SYNE2: variants seen among roughly 807,000 people sequenced by gnomAD.
SYNE2 encodes the protein spectrin repeat containing nuclear envelope protein 2.
In SYNE2, 431 loss-of-function variants were observed where a neutral mutation model predicts 856.3. The observed-to-expected ratio is 0.50, with a 90% confidence interval of 0.47 to 0.55. SYNE2 has a LOEUF of 0.55. SYNE2 is among the 20% of genes least tolerant of loss of function. The pLI, the probability that SYNE2 is intolerant of heterozygous loss-of-function variation, is 0.00. For missense variants in SYNE2, 8,129 were observed against 8,023.2 expected (o/e 1.01, Z -0.50); for synonymous variants, 2,923 against 2,872.3 (o/e 1.02, Z -0.56).
chr14:63,846,826 AC>A (rs1484774889), intron 1 of SYNE2, among the ~76,000 whole-genome samples: 1 of 151,590 alleles, frequency 6.6e-6, no homozygotes, highest in Non-Finnish European at 1.5e-5. Flanking sequence ...CCAACTCCTG[AC>A]CTCAACTTAT....
At chr14:63,911,003 GC>G (rs753409691) in intron 2 of SYNE2, among the ~76,000 whole-genome samples, 5 of 151,988 alleles carry the variant, frequency 3.3e-5, no homozygotes, top group African/African-American at 9.7e-5. Context: ...CTGTTCAATG[GC>G]TCCCTATCAC....
rs907014099 is a variant in SYNE2 at position 64,158,741 on chromosome 14, C to A, written c.15909C>A (p.Ser5303Arg). 1.4e-5 allele frequency: 23 copies of A among 1,613,856 alleles called. No homozygotes were observed. Among genetic ancestry groups the A allele is most frequent in the Non-Finnish European group, 1.9e-5 (22 of 1,179,940 alleles). Reference sequence around the variant, plus strand: ...GATTCTGGTACTGCATGGAACACAGCAAGCCTGTGGTGTTATCATTGGAGA... The same window carrying A: ...GATTCTGGTACTGCATGGAACACAGAAAGCCTGTGGTGTTATCATTGGAGA... The part of the protein sequence containing the change: ...TIRFWYCMEH[S>R]KPVVLSLETL... Residue 5303 changes from serine (S) to arginine (R), a missense_variant, in exon 86 of 116, where the codon AGC (serine) becomes AGA (arginine). This residue lies in a region of SYNE2 where 5,410 missense variants were observed against 5,284.8 expected (regional missense o/e 1.02). Coordinates refer to ENST00000555002, the MANE Select transcript of SYNE2 (RefSeq NM_182914.3).
In SYNE2 at chr14:63,857,101, A is replaced by G. The variant is rs145706238; in HGVS notation, c.-52+3958A>G. Among the ~76,000 whole-genome samples the G allele has an allele frequency of 6.6e-5, 10 of 152,276 alleles. No homozygotes were observed. The East Asian group carries it at 1.7e-3, about 26-fold the overall frequency. On this transcript the variant is annotated intron_variant, in intron 1 of 115. Coordinates refer to ENST00000555002, the MANE Select transcript of SYNE2 (RefSeq NM_182914.3). ...CATTTGAGAAGTTTTTGACTTATGT[A>G]TAGACCTGTGGAACTGTCTCCCTGT...
Position 64,027,697 on chromosome 14 carries a change from A to C in SYNE2, c.6618A>C (p.Gly2206=). Residue 2206 remains glycine (G), a synonymous_variant, in exon 43 of 116, where the codon GGA becomes GGC. Transcript: ENST00000555002. ...TSLLKELKSQ[G]NYLLECTKNP... is the part of the protein sequence containing the mutation. ...TGCTAAAGGAGTTAAAATCTCAGGG[A>C]AACTACCTCTTGGAGTGCACTAAAA... 1 of 1,614,142 alleles carries C rather than the reference A, an allele frequency of 6.2e-7. No homozygotes were observed. The highest frequency in any genetic ancestry group is 8.5e-7 in the Non-Finnish European group (1 of 1,179,988).
chr14:63,767,929 C>T (rs1886746936), intron 1 of SYNE2, among the ~76,000 whole-genome samples: 1 of 152,118 alleles, frequency 6.6e-6, no homozygotes, highest in Admixed American at 6.6e-5. Flanking sequence ...CACAGTAGCT[C>T]ACGCCTGTAA....
chr14:63,964,913 C>T (rs1238287491), intron 10 of SYNE2, among the ~76,000 whole-genome samples: 1 of 151,840 alleles, frequency 6.6e-6, no homozygotes, highest in African/African-American at 2.4e-5. Flanking sequence ...AACCGAGAGT[C>T]CTTTGGCAAA....
At chr14:64,054,921 T>A (rs1567170620) in intron 48 of SYNE2, among the ~76,000 whole-genome samples, 1 of 152,252 alleles carries the variant, frequency 6.6e-6, no homozygotes, top group Non-Finnish European at 1.5e-5. Flanking sequence ...TAAAGTATTA[T>A]GAACCTATAT....
chr14:63,867,759 A>AAGCCAGCC (rs201110012), intron 1 of SYNE2, among the ~76,000 whole-genome samples: 2 of 151,794 alleles, frequency 1.3e-5, no homozygotes, highest in Admixed American at 1.3e-4. Context: ...GAAAGAAAGC[A>AAGCCAGCC]AGCCAGCCAG....
chr14:63,906,501 G>A (rs1341364532), intron 1 of SYNE2, among the ~76,000 whole-genome samples: 2 of 152,070 alleles, frequency 1.3e-5, no homozygotes, highest in Non-Finnish European at 2.9e-5. Context: ...TTTGATATTG[G>A]TCTACTCAAG....
At chr14:63,779,246 A>C (rs377326464) in intron 1 of SYNE2, among the ~76,000 whole-genome samples, 312 of 151,932 alleles carry the variant, frequency 2.1e-3, no homozygotes, top group Non-Finnish European at 3.9e-3. Context: ...CATCACTTGA[A>C]CCTGGGAGGC....
At chr14:64,114,363 C>T (rs2097838404) in intron 66 of SYNE2, among the ~76,000 whole-genome samples, 1 of 152,158 alleles carries the variant, frequency 6.6e-6, no homozygotes, top group Non-Finnish European at 1.5e-5. Flanking sequence ...ACTTAGGAGA[C>T]CAGACTTGTC....
At chr14:64,219,104 GTTTTTTTTT>G (rs528002229) in intron 109 of SYNE2, 95 bp from the exon 110 acceptor site, 1 of 407,784 alleles carries the variant, frequency 2.5e-6, no homozygotes, top group African/African-American at 3.3e-5. Context: ...CAGTTTTTTT[GTTTTTTTTT>G]TTTTTTTTTT....
chr14:63,898,126 C>T (rs1185097491), intron 1 of SYNE2, among the ~76,000 whole-genome samples: 3 of 152,172 alleles, frequency 2.0e-5, no homozygotes, highest in Admixed American at 2.0e-4. Context: ...TCTTCAGCCT[C>T]ACTGAGACAG....
In SYNE2 at chr14:64,107,537, T is replaced by G. The variant is rs780306283; in HGVS notation, c.12539T>G (p.Ile4180Ser). Residue 4180 changes from isoleucine to serine, a missense_variant, in exon 65 of 116, where the codon ATC becomes AGC. Ile to Ser is a moderately radical substitution (Grantham distance 142). This residue lies in a region of SYNE2 where 5,410 missense variants were observed against 5,284.8 expected (regional missense o/e 1.02). Coordinates refer to ENST00000555002, the MANE Select transcript of SYNE2 (RefSeq NM_182914.3). ...ACCTCTGATAATTCCATGGCACAAA[T>G]CCTCACACCAGACTCACTAAACACT... ...ISTSDNSMAQ[I>S]LTPDSLNTEQ... The G allele has an allele frequency of 3.1e-6, 5 of 1,614,096 alleles. No individual in the cohort carries two copies. In the East Asian group the frequency reaches 8.9e-5, roughly 29 times the overall value.
intron 1 of SYNE2, among the ~76,000 whole-genome samples, chr14:63,845,455 A>G (rs1890197739): frequency 6.6e-6 from 1 of 151,510 alleles, no homozygotes; most frequent in South Asian, 2.1e-4. Flanking sequence ...TCATAATACT[A>G]TGTAATTTTC....
chr14:63,816,485 T>A (rs1889000007), intron 1 of SYNE2, among the ~76,000 whole-genome samples: 2 of 152,160 alleles, frequency 1.3e-5, no homozygotes, highest in Admixed American at 1.3e-4. Context: ...CTTGGTATAC[T>A]GAATAACAGC....
intron 32 of SYNE2, among the ~76,000 whole-genome samples, chr14:64,015,066 TG>T (rs2096882076): frequency 6.9e-6 from 1 of 145,306 alleles, no homozygotes; most frequent in African/African-American, 2.5e-5. Flanking sequence ...AATATATATG[TG>T]TATATATGTA....
chr14:63,783,299 A>G (rs1021436853), intron 1 of SYNE2, among the ~76,000 whole-genome samples: 4 of 152,120 alleles, frequency 2.6e-5, no homozygotes, highest in East Asian at 1.9e-4. Flanking sequence ...CGCCATGATT[A>G]TAAGTTTCCT....
At position 63,872,559 on chromosome 14, in the gene SYNE2, C is replaced by T. The variant is rs190173848; in HGVS notation, c.-52+19416C>T. ...TCACCTGAGGTCAGGAGTTTGAGAC[C>T]AGCCTGGCCAATATGGTGAAATCCC... On this transcript the variant is annotated intron_variant, in intron 1 of 115. Coordinates refer to ENST00000555002, the MANE Select transcript of SYNE2 (RefSeq NM_182914.3). 1.1e-4 allele frequency among the ~76,000 whole-genome samples: 17 copies of T among 151,970 alleles called. No homozygotes were observed. The East Asian group carries it at 3.1e-3, about 28-fold the overall frequency.
Sources: allele counts gnomAD v4.1 joint callset (sites outside exome capture counted in the v4.1 genomes callset), GRCh38; gene constraint gnomAD v4.1.1; regional missense constraint gnomAD v4.1.1; transcripts MANE v1.5; gene names NCBI Gene and HGNC (gene_info 2026-07-23, HGNC 2026-07-21).